The following LRP1B variants were observed in gnomAD, a reference collection of about 807,000 sequenced individuals.
LRP1B encodes LDL receptor related protein 1B, also known as low-density lipoprotein receptor-related protein 1B.
Under a neutral mutation model 556.6 loss-of-function variants are expected in LRP1B, and 217 were observed. The ratio of observed to expected loss-of-function variants is 0.39; its 90% CI spans 0.35 to 0.44. LRP1B has a LOEUF of 0.44. Ranked by LOEUF, LRP1B falls within the 20% of genes least tolerant of loss-of-function variation. LRP1B has a pLI of 1.00. For synonymous variants in LRP1B, 2,047 were observed against 1,865.8 expected (o/e 1.10, Z -2.50); for missense variants, 5,053 against 5,620.8 (o/e 0.90, Z 3.23).
chr2:142,047,924 A>G (rs10803487), intron 1 of LRP1B, among the ~76,000 whole-genome samples: 82,305 of 151,722 alleles, frequency 0.54, 22,911 homozygotes, highest in East Asian at 0.69. Flanking sequence ...TTTATGCCAA[A>G]CTACTGAAAT....
At chr2:140,695,861 G>A (rs573521047) in intron 41 of LRP1B, among the ~76,000 whole-genome samples, 29 of 152,198 alleles carry the variant, frequency 1.9e-4, no homozygotes, top group African/African-American at 7.0e-4. Flanking sequence ...AATAAATATT[G>A]AATTGTATTT....
intron 3 of LRP1B, among the ~76,000 whole-genome samples, chr2:141,460,098 C>T (rs1231727012): frequency 3.3e-5 from 5 of 152,150 alleles, no homozygotes; most frequent in Non-Finnish European, 7.4e-5. Flanking sequence ...AGATTGTGAA[C>T]AGTGTTTTCT....
At chr2:141,322,766 C>G (rs958006133) in intron 3 of LRP1B, among the ~76,000 whole-genome samples, 11 of 151,882 alleles carry the variant, frequency 7.2e-5, no homozygotes, top group African/African-American at 2.7e-4. Context: ...GTCTTTATTT[C>G]TAAACCACAA....
intron 1 of LRP1B, among the ~76,000 whole-genome samples, chr2:142,081,872 G>A (rs1276802753): frequency 6.6e-6 from 1 of 152,144 alleles, no homozygotes; most frequent in African/African-American, 2.4e-5. Flanking sequence ...ACTATTTTGT[G>A]AGTTGGTAAT....
intron 86 of LRP1B, among the ~76,000 whole-genome samples, chr2:140,253,869 G>A (rs1681561211): frequency 6.6e-6 from 1 of 152,132 alleles, no homozygotes; most frequent in African/African-American, 2.4e-5. Flanking sequence ...CAATTCTAGA[G>A]CTAAAGGTGG....
intron 5 of LRP1B, among the ~76,000 whole-genome samples, chr2:141,240,543 C>T (rs2683811): frequency 0.13 from 19,286 of 151,952 alleles, 1,284 homozygotes; most frequent in South Asian, 0.21. Flanking sequence ...TTTAAATGTG[C>T]TCCCTTTCTT....
intron 2 of LRP1B, among the ~76,000 whole-genome samples, chr2:141,491,470 C>G (rs1487886827): frequency 5.4e-5 from 8 of 148,434 alleles, no homozygotes; most frequent in African/African-American, 1.9e-4. Flanking sequence ...TCCTCTTGTT[C>G]TTTGGGACTA....
intron 43 of LRP1B, among the ~76,000 whole-genome samples, chr2:140,574,724 C>A (rs1480290569): frequency 6.6e-6 from 1 of 152,124 alleles, no homozygotes; most frequent in Non-Finnish European, 1.5e-5. Flanking sequence ...TCCTGGCATT[C>A]CTTTAGTCAT....
intron 9 of LRP1B, among the ~76,000 whole-genome samples, chr2:141,058,574 A>G (rs1212027550): frequency 1.3e-5 from 2 of 151,928 alleles, no homozygotes; most frequent in Non-Finnish European, 2.9e-5. Flanking sequence ...ATGATATTTA[A>G]AAGGAAAAAA....
intron 27 of LRP1B, among the ~76,000 whole-genome samples, chr2:140,858,026 T>C (rs1692670507): frequency 6.6e-6 from 1 of 152,200 alleles, no homozygotes; most frequent in Non-Finnish European, 1.5e-5. Flanking sequence ...AGGACAGTGG[T>C]TCTCAATCCT....
chr2:141,743,118 C>T (rs975722457), intron 2 of LRP1B, among the ~76,000 whole-genome samples: 1 of 151,830 alleles, frequency 6.6e-6, no homozygotes. Context: ...ATTGTTATAG[C>T]TATGTGGGAG....
chr2:141,310,109 T>G (rs1377354565), intron 3 of LRP1B, among the ~76,000 whole-genome samples: 1 of 152,150 alleles, frequency 6.6e-6, no homozygotes, highest in Non-Finnish European at 1.5e-5. Flanking sequence ...GAATATTGTA[T>G]GTATAGGTAG....
chr2:141,358,627 T>C (rs1688711423), intron 3 of LRP1B, among the ~76,000 whole-genome samples: 3 of 152,260 alleles, frequency 2.0e-5, no homozygotes, highest in East Asian at 1.9e-4. Flanking sequence ...TCTATGTTTC[T>C]AGTAGATTGT....
At chr2:140,334,919 T>C (rs1179086850) in intron 78 of LRP1B, among the ~76,000 whole-genome samples, 1 of 152,036 alleles carries the variant, frequency 6.6e-6, no homozygotes, top group Non-Finnish European at 1.5e-5. Context: ...CATTTTATTA[T>C]GGATGCTGTA....
chr2:140,611,483 A>T (rs1451938060), intron 41 of LRP1B, among the ~76,000 whole-genome samples: 3 of 152,136 alleles, frequency 2.0e-5, no homozygotes, highest in Admixed American at 1.3e-4. Flanking sequence ...TGATTTTTTT[A>T]AAAAGGTAAA....
chr2:140,861,233 C>T (rs1458578908), intron 27 of LRP1B, among the ~76,000 whole-genome samples: 1 of 152,024 alleles, frequency 6.6e-6, no homozygotes, highest in African/African-American at 2.4e-5. Flanking sequence ...ATGGGGAAAC[C>T]TCATCTCTAC....
intron 3 of LRP1B, among the ~76,000 whole-genome samples, chr2:141,467,012 T>A (rs952815467): frequency 6.7e-6 from 1 of 149,368 alleles, no homozygotes; most frequent in Non-Finnish European, 1.5e-5. Context: ...TATGGACATT[T>A]ATCTAGGTAT....
intron 5 of LRP1B, among the ~76,000 whole-genome samples, chr2:141,243,006 A>G (rs990902840): frequency 2.4e-4 from 37 of 152,154 alleles, no homozygotes; most frequent in African/African-American, 8.7e-4. Flanking sequence ...AAGAAAGTCA[A>G]ATTTTAAAAA....
At chr2:142,126,588 C>T (rs1391109042) in intron 1 of LRP1B, among the ~76,000 whole-genome samples, 2 of 151,812 alleles carry the variant, frequency 1.3e-5, no homozygotes, top group African/African-American at 4.8e-5. Flanking sequence ...AGAATGAAGA[C>T]AAGTGTTTCC....
Sources: gnomAD v4.1 joint callset for allele counts (sites outside exome capture counted in the v4.1 genomes callset) on GRCh38, gnomAD v4.1.1 for gene constraint, MANE v1.5 for transcripts, NCBI Gene and HGNC (gene_info 2026-07-23, HGNC 2026-07-21) for gene names.